Variants in TMEM123 observed in about 807,000 individuals in gnomAD.
TMEM123 encodes the protein transmembrane protein 123.
Under a neutral mutation model 19.7 loss-of-function variants are expected in TMEM123, and 16 were observed. The ratio of observed to expected loss-of-function variants is 0.81; its 90% CI spans 0.55 to 1.23. The LOEUF (loss-of-function observed/expected upper bound fraction) is 1.23, where lower values mean the gene tolerates loss of function less well. TMEM123 is among the 50% of genes most tolerant of loss of function. The pLI is 0.00. For missense variants in TMEM123, 313 were observed against 257.8 expected, an observed-to-expected ratio of 1.21 and a Z score of -1.47; for synonymous variants, 118 against 99.4, an observed-to-expected ratio of 1.19 and a Z score of -1.12.
chr11:102,407,200 T>C (rs1951963581), intron 2 of TMEM123, among the ~76,000 whole-genome samples: 1 of 152,200 alleles, frequency 6.6e-6, no homozygotes, highest in Non-Finnish European at 1.5e-5. Context: ...GTCAACAACA[T>C]TAGCTTTGCC....
chr11:102,415,113 AG>A (rs1952034065), intron 2 of TMEM123, among the ~76,000 whole-genome samples: 1 of 152,250 alleles, frequency 6.6e-6, no homozygotes, highest in Non-Finnish European at 1.5e-5. Context: ...ATAATGATAC[AG>A]GGTTACCTCA....
chr11:102,419,626 G>C (rs1952069999), intron 2 of TMEM123, among the ~76,000 whole-genome samples: 1 of 152,186 alleles, frequency 6.6e-6, no homozygotes, highest in Admixed American at 6.5e-5. Flanking sequence ...TTATACCCTT[G>C]AAGACATAAA....
chr11:102,452,496 G>T (rs1286879795), intron 1 of TMEM123, 28 bp downstream of exon 1: 58 of 1,452,780 alleles, frequency 4.0e-5, no homozygotes, highest in Non-Finnish European at 5.1e-5. Context: ...TCCCACGAAC[G>T]GGGCTGACGA....
rs1951857597 is a variant in TMEM123 at position 102,396,569 on chromosome 11, T to G, written c.*2298A>C. The G allele has an allele frequency of 6.6e-6, 1 of 152,216 alleles. No homozygotes were observed. Among genetic ancestry groups the G allele is most frequent in the South Asian group, 2.1e-4 (1 of 4,834 alleles). The allele number at this position is 152,216 out of a possible 1,614,324, so 9.4% of individuals were successfully genotyped here. ...CTAGTACTTATACATCTGGATTGTT[T>G]GTTTTGATCTTCAGATAAATACATT... is the stretch of plus-strand genomic sequence containing the variant. On this transcript the variant is annotated 3_prime_UTR_variant, in exon 5 of 5. Coordinates refer to ENST00000398136, the MANE Select transcript of TMEM123 (RefSeq NM_052932.3).
intron 2 of TMEM123, among the ~76,000 whole-genome samples, chr11:102,411,868 T>A (rs182847667): frequency 2.4e-4 from 37 of 152,342 alleles, no homozygotes; most frequent in Admixed American, 1.1e-3. Context: ...CCTAGCACAG[T>A]CTGGAGCATA....
Position 102,402,101 on chromosome 11 carries a change from G to GT in TMEM123, c.262dup (p.Thr88AsnfsTer9). 1 of 1,614,136 alleles carries GT rather than the reference G, an allele frequency of 6.2e-7. No individual in the cohort carries two copies. Among genetic ancestry groups the GT allele is most frequent in the Non-Finnish European group, 8.5e-7 (1 of 1,180,032 alleles). The stretch of plus-strand genomic sequence containing the variant: ...ATTAGATGCCGCTGTAGGTTTCATG[G>GT]TGGTGACCGTTGTATTACTGGAGTC... On this transcript the variant is annotated frameshift_variant, in exon 3 of 5. Coordinates refer to ENST00000398136, the MANE Select transcript of TMEM123 (RefSeq NM_052932.3). LOFTEE classifies it high-confidence loss of function.
At chr11:102,412,455 G>A (rs1216279232) in intron 2 of TMEM123, among the ~76,000 whole-genome samples, 1 of 151,918 alleles carries the variant, frequency 6.6e-6, no homozygotes, top group Non-Finnish European at 1.5e-5. Flanking sequence ...GAATCAACAG[G>A]CCATTTAAAA....
At chr11:102,422,417 T>A (rs1027234292) in intron 2 of TMEM123, among the ~76,000 whole-genome samples, 1 of 152,060 alleles carries the variant, frequency 6.6e-6, no homozygotes, top group Non-Finnish European at 1.5e-5. Context: ...GAGGTTGCAG[T>A]GAGCCGAGAT....
intron 2 of TMEM123, among the ~76,000 whole-genome samples, chr11:102,421,920 G>A (rs1044095663): frequency 8.5e-5 from 13 of 152,166 alleles, no homozygotes; most frequent in Admixed American, 3.3e-4. Context: ...TGACCCAGAA[G>A]GTTAAATAAA....
chr11:102,412,260 T>C (rs1341048257), intron 2 of TMEM123, among the ~76,000 whole-genome samples: 2 of 152,098 alleles, frequency 1.3e-5, no homozygotes, highest in Non-Finnish European at 2.9e-5. Context: ...GGTGAAACCC[T>C]GTCTCTACTA....
chr11:102,442,891 A>C (rs1275795759), intron 2 of TMEM123, among the ~76,000 whole-genome samples: 1 of 152,226 alleles, frequency 6.6e-6, no homozygotes, highest in African/African-American at 2.4e-5. Context: ...AAGCATTCCT[A>C]TACACCAATA....
At chr11:102,412,082 G>A (rs1006634984) in intron 2 of TMEM123, among the ~76,000 whole-genome samples, 7 of 152,126 alleles carry the variant, frequency 4.6e-5, no homozygotes, top group South Asian at 4.1e-4. Flanking sequence ...TCAGCTCTGC[G>A]AAATTCTACT....
intron 2 of TMEM123, among the ~76,000 whole-genome samples, chr11:102,427,268 CTCGA>C (rs1175835586): frequency 1.3e-5 from 2 of 151,878 alleles, no homozygotes; most frequent in Non-Finnish European, 2.9e-5. Context: ...CTTACATGAA[CTCGA>C]TCAGTCTTCA....
At chr11:102,433,758 A>G (rs1857735578) in intron 2 of TMEM123, among the ~76,000 whole-genome samples, 1 of 151,698 alleles carries the variant, frequency 6.6e-6, no homozygotes, top group Non-Finnish European at 1.5e-5. Context: ...GTGGGAGGTA[A>G]CTGAATCATA....
At chr11:102,401,474 T>C (rs1951911726) in intron 4 of TMEM123, 65 bp downstream of exon 4, 1 of 1,408,916 alleles carries the variant, frequency 7.1e-7, no homozygotes, top group African/African-American at 1.5e-5. Context: ...GGCTTGATAT[T>C]CTATCATAAT....
intron 2 of TMEM123, among the ~76,000 whole-genome samples, chr11:102,430,043 C>T (rs1454278024): frequency 6.6e-6 from 1 of 152,210 alleles, no homozygotes; most frequent in African/African-American, 2.4e-5. Flanking sequence ...CCATCCCCTT[C>T]CCCATGCCAC....
chr11:102,406,699 G>A (rs533225223), intron 2 of TMEM123, among the ~76,000 whole-genome samples: 28 of 151,996 alleles, frequency 1.8e-4, no homozygotes, highest in African/African-American at 6.0e-4. Flanking sequence ...GTGAAACCCC[G>A]TCTCTACCAA....
intron 2 of TMEM123, among the ~76,000 whole-genome samples, chr11:102,415,974 G>T (rs904158520): frequency 2.0e-5 from 3 of 151,984 alleles, no homozygotes; most frequent in African/African-American, 7.3e-5. Context: ...GAGTGCAATG[G>T]TGCAGTCTCA....
chr11:102,433,097 C>G (rs1341459304), intron 2 of TMEM123, among the ~76,000 whole-genome samples: 1 of 152,004 alleles, frequency 6.6e-6, no homozygotes, highest in East Asian at 1.9e-4. Flanking sequence ...CTGGAGCCCT[C>G]ACACAGGGTC....
Sources: allele counts gnomAD v4.1 joint callset (sites outside exome capture counted in the v4.1 genomes callset), GRCh38; gene constraint gnomAD v4.1.1; transcripts MANE v1.5; gene names NCBI Gene and HGNC (gene_info 2026-07-23, HGNC 2026-07-21).